C8orf89: variants seen among roughly 807,000 people sequenced by gnomAD.
The protein encoded by C8orf89 is chromosome 8 open reading frame 89.
A neutral mutation model predicts 15.8 loss-of-function variants in C8orf89; 14 were observed. The ratio of observed to expected loss-of-function variants is 0.89; its 90% confidence interval spans 0.59 to 1.39. The LOEUF (loss-of-function observed/expected upper bound fraction) is 1.39, where lower values mean the gene tolerates loss of function less well. C8orf89 is among the 40% of genes most tolerant of loss of function. C8orf89 has a pLI of 0.00. For missense variants in C8orf89, 181 were observed against 184.5 expected (o/e 0.98, Z 0.11); for synonymous variants, 55 against 62.2 (o/e 0.88, Z 0.54).
At chr8:73,246,665 C>G (rs911840184) in intron 3 of C8orf89, among the ~76,000 whole-genome samples, 7 of 152,180 alleles carry the variant, frequency 4.6e-5, no homozygotes, top group Non-Finnish European at 8.8e-5. Flanking sequence ...GCGTGAGCCA[C>G]CGCACCCAGC....
chr8:73,274,361 C>G, the C8orf89 span, among the ~76,000 whole-genome samples: 1 of 152,112 alleles, frequency 6.6e-6, no homozygotes, highest in Non-Finnish European at 1.5e-5. Flanking sequence ...CCGTGTTAGC[C>G]AGGATGGTCT....
the C8orf89 span, among the ~76,000 whole-genome samples, chr8:73,282,247 A>G: frequency 6.6e-6 from 1 of 152,248 alleles, no homozygotes; most frequent in Non-Finnish European, 1.5e-5. Flanking sequence ...CAGAATTTCC[A>G]GTCCAGAAGA....
At chr8:73,265,953 A>G in the C8orf89 span, among the ~76,000 whole-genome samples, 12 of 152,104 alleles carry the variant, frequency 7.9e-5, 1 homozygote, top group Admixed American at 2.0e-4. Context: ...TATCTCTTAC[A>G]TATCTCTTAA....
chr8:73,268,748 T>G, the C8orf89 span, among the ~76,000 whole-genome samples: 1 of 152,216 alleles, frequency 6.6e-6, no homozygotes, highest in African/African-American at 2.4e-5. Flanking sequence ...ATAATGGGCG[T>G]GGGAGGGAGA....
chr8:73,272,833 C>A, the C8orf89 span, among the ~76,000 whole-genome samples: 7 of 152,060 alleles, frequency 4.6e-5, no homozygotes, highest in African/African-American at 1.7e-4. Context: ...AAATATTGAG[C>A]CTACCTTGGA....
At chr8:73,277,671 C>G in the C8orf89 span, 1 of 755,816 alleles carries the variant, frequency 1.3e-6, no homozygotes, top group East Asian at 2.5e-5. Flanking sequence ...TAAAATAAGG[C>G]TGGAAATCCT....
chr8:73,277,098 C>T, the C8orf89 span, among the ~76,000 whole-genome samples: 4 of 152,240 alleles, frequency 2.6e-5, no homozygotes, highest in South Asian at 6.2e-4. Flanking sequence ...TGAGCCACTG[C>T]GCCCATCCCG....
chr8:73,271,761 T>C, the C8orf89 span, among the ~76,000 whole-genome samples: 1 of 152,100 alleles, frequency 6.6e-6, no homozygotes, highest in Admixed American at 6.5e-5. Flanking sequence ...GAAAGAGGAT[T>C]ATTGGGCTTA....
intron 2 of C8orf89, among the ~76,000 whole-genome samples, chr8:73,251,953 G>T (rs1162391294): frequency 6.6e-6 from 1 of 152,248 alleles, no homozygotes; most frequent in East Asian, 1.9e-4. Flanking sequence ...TCTTGGTTAC[G>T]ATGTAACTGA....
At chr8:73,280,761 A>G in the C8orf89 span, among the ~76,000 whole-genome samples, 1 of 150,652 alleles carries the variant, frequency 6.6e-6, no homozygotes, top group African/African-American at 2.4e-5. Flanking sequence ...ACACATATAC[A>G]TACATACATA....
chr8:73,282,538 G>A, the C8orf89 span, among the ~76,000 whole-genome samples: 44 of 152,162 alleles, frequency 2.9e-4, no homozygotes, highest in Admixed American at 1.1e-3. Flanking sequence ...TTCAGATAAA[G>A]GCAGTGTGAG....
chr8:73,273,135 G>A, the C8orf89 span, among the ~76,000 whole-genome samples: 2 of 152,198 alleles, frequency 1.3e-5, no homozygotes, highest in Non-Finnish European at 2.9e-5. Context: ...TGGGGGAGGT[G>A]CAGCCAGGGC....
chr8:73,275,239 T>A, the C8orf89 span, among the ~76,000 whole-genome samples: 3 of 138,850 alleles, frequency 2.2e-5, no homozygotes, highest in African/African-American at 5.3e-5. Context: ...TTCTTTTTTT[T>A]TTTTTTTTTT....
the C8orf89 span, among the ~76,000 whole-genome samples, chr8:73,275,852 TATA>T: frequency 6.6e-6 from 1 of 152,184 alleles, no homozygotes; most frequent in African/African-American, 2.4e-5. Context: ...TCTATTTTTC[TATA>T]ATATCATATT....
At chr8:73,249,587 TA>T (rs892626293) in intron 3 of C8orf89, among the ~76,000 whole-genome samples, 1 of 152,040 alleles carries the variant, frequency 6.6e-6, no homozygotes, top group Non-Finnish European at 1.5e-5. Flanking sequence ...ACTGATTCAA[TA>T]AAAAAACTTA....
chr8:73,268,542 T>C, the C8orf89 span, among the ~76,000 whole-genome samples: 1 of 152,044 alleles, frequency 6.6e-6, no homozygotes, highest in Non-Finnish European at 1.5e-5. Context: ...TTTGCATGAA[T>C]TGCTTTTTAA....
intron 1 of C8orf89, among the ~76,000 whole-genome samples, chr8:73,257,864 AATT>A: frequency 6.6e-6 from 1 of 152,316 alleles, no homozygotes; most frequent in Admixed American, 6.5e-5. Flanking sequence ...ATGGGACTAA[AATT>A]ATTATATTGA....
At position 73,258,776 on chromosome 8, in the gene C8orf89, G is replaced by A. The variant is rs528516412; in HGVS notation, c.127+556C>T. Among the ~76,000 whole-genome samples the A allele has an allele frequency of 4.6e-5, 7 of 151,864 alleles. No homozygotes were observed. In the South Asian group the frequency reaches 6.3e-4, roughly 14 times the overall value. ...CTCCTGAGTAGCCGGGACCACAGGCGCACACCAACACGCTCAGCTAATTTT... is the reference window on the plus strand; with the variant it reads ...CTCCTGAGTAGCCGGGACCACAGGCACACACCAACACGCTCAGCTAATTTT... On this transcript the variant is annotated intron_variant, in intron 1 of 3. Transcript: ENST00000624510.
At chr8:73,257,222 T>A (rs1813415510) in intron 1 of C8orf89, 96 bp from the exon 2 acceptor site, 2 of 761,872 alleles carry the variant, frequency 2.6e-6, no homozygotes, top group Non-Finnish European at 3.9e-6. Flanking sequence ...AATCAGCTAT[T>A]AAGTAAAGAA....
Sources: gnomAD v4.1 joint callset for allele counts (sites outside exome capture counted in the v4.1 genomes callset) on GRCh38, gnomAD v4.1.1 for gene constraint, MANE v1.5 for transcripts, NCBI Gene and HGNC (gene_info 2026-07-23, HGNC 2026-07-21) for gene names.